Variants in LRMDA observed in about 807,000 individuals in gnomAD.
The protein encoded by LRMDA is leucine-rich melanocyte differentiation-associated protein.
In LRMDA, 18 loss-of-function variants were observed where a neutral mutation model predicts 29.8. That is an observed-to-expected ratio of 0.60 (90% confidence interval 0.42 to 0.90). LRMDA has a LOEUF of 0.90. LRMDA is among the 40% of genes least tolerant of loss of function. LRMDA has a pLI of 0.00. For missense variants in LRMDA, 273 were observed against 273.9 expected (o/e 1.00, Z 0.02); for synonymous variants, 125 against 109.4 (o/e 1.14, Z -0.89).
rs73276771 is a variant in LRMDA at position 76,554,823 on chromosome 10, G to A, written c.602-2386G>A. Among the ~76,000 whole-genome samples, 1,247 of 152,026 alleles carry A rather than the reference G, an allele frequency of 8.2e-3. 18 individuals carry two copies. Among genetic ancestry groups the A allele is most frequent in the African/African-American group, 0.028 (1,173 of 41,452 alleles). On this transcript the variant is annotated intron_variant, in intron 6 of 6. Transcript: ENST00000611255. ...GAAGAAAAAAAAAGCAGTTGAATCC[G>A]TGAATGTACTGGAGAGTTTACTGGA...
At chr10:75,597,078 T>C (rs892707078) in intron 2 of LRMDA, among the ~76,000 whole-genome samples, 6 of 151,996 alleles carry the variant, frequency 3.9e-5, no homozygotes, top group African/African-American at 1.2e-4. Context: ...TGTTCCTTAT[T>C]TGGCTAGAGA....
intron 2 of LRMDA, among the ~76,000 whole-genome samples, chr10:75,841,992 C>G (rs1844548645): frequency 6.6e-6 from 1 of 152,132 alleles, no homozygotes; most frequent in Admixed American, 6.5e-5. Flanking sequence ...GTTTAAAGTT[C>G]CTCAGTTATT....
At chr10:75,432,841 A>G (rs962162128) in intron 1 of LRMDA, among the ~76,000 whole-genome samples, 1 of 152,166 alleles carries the variant, frequency 6.6e-6, no homozygotes, top group Admixed American at 6.5e-5. Context: ...TCGTTTCATC[A>G]GGTACACATG....
chr10:76,141,544 A>G (rs186248386), intron 5 of LRMDA, among the ~76,000 whole-genome samples: 1 of 152,126 alleles, frequency 6.6e-6, no homozygotes, highest in South Asian at 2.1e-4. Context: ...AAGTACTCCC[A>G]CCTGATGTGT....
chr10:76,163,107 C>T (rs1238563864), intron 5 of LRMDA, among the ~76,000 whole-genome samples: 1 of 152,156 alleles, frequency 6.6e-6, no homozygotes, highest in Non-Finnish European at 1.5e-5. Flanking sequence ...ATTATTGGAA[C>T]ATAAATGGCA....
chr10:75,948,754 G>A (rs185650830), intron 2 of LRMDA, among the ~76,000 whole-genome samples: 63 of 152,180 alleles, frequency 4.1e-4, no homozygotes, highest in African/African-American at 1.5e-3. Flanking sequence ...GATTTTCCGA[G>A]ACAGTGCATT....
intron 2 of LRMDA, among the ~76,000 whole-genome samples, chr10:75,594,294 C>G (rs1840759744): frequency 6.6e-6 from 1 of 152,184 alleles, no homozygotes; most frequent in Non-Finnish European, 1.5e-5. Context: ...GTGCTTTCTC[C>G]TAGGCCACCA....
chr10:75,946,959 A>C (rs1229361001), intron 2 of LRMDA, among the ~76,000 whole-genome samples: 2 of 152,190 alleles, frequency 1.3e-5, no homozygotes, highest in Non-Finnish European at 2.9e-5. Flanking sequence ...GCTGAAAGGA[A>C]CAGGAAGCCA....
chr10:76,375,638 C>T (rs1841507156), intron 6 of LRMDA, among the ~76,000 whole-genome samples: 1 of 151,824 alleles, frequency 6.6e-6, no homozygotes, highest in Non-Finnish European at 1.5e-5. Flanking sequence ...AGTGGATGAA[C>T]ATTTTTGGAG....
chr10:76,211,214 T>C (rs946543655), intron 5 of LRMDA, among the ~76,000 whole-genome samples: 2 of 152,244 alleles, frequency 1.3e-5, no homozygotes, highest in African/African-American at 4.8e-5. Flanking sequence ...TCACTAAGCC[T>C]GGTACCCAGT....
chr10:76,254,852 T>C (rs1852563373), intron 5 of LRMDA, among the ~76,000 whole-genome samples: 1 of 152,146 alleles, frequency 6.6e-6, no homozygotes, highest in Admixed American at 6.5e-5. Flanking sequence ...ACCGGTTTTA[T>C]AGGAACAATG....
intron 5 of LRMDA, among the ~76,000 whole-genome samples, chr10:76,228,053 C>T (rs796768449): frequency 4.0e-5 from 6 of 150,334 alleles, no homozygotes; most frequent in African/African-American, 1.2e-4. Flanking sequence ...GACAGAGTCT[C>T]GCTCTGTTGC....
chr10:76,258,581 C>T (rs1193108174), intron 5 of LRMDA, among the ~76,000 whole-genome samples: 1 of 151,970 alleles, frequency 6.6e-6, no homozygotes, highest in Non-Finnish European at 1.5e-5. Flanking sequence ...TGTAATTTTT[C>T]ATCCTTTAAC....
chr10:76,344,842 T>A (rs922359163), intron 6 of LRMDA, among the ~76,000 whole-genome samples: 1 of 151,576 alleles, frequency 6.6e-6, no homozygotes, highest in African/African-American at 2.4e-5. Flanking sequence ...GGAAAAAAAT[T>A]TAGATACATA....
At chr10:75,693,690 A>G (rs1465832883) in intron 2 of LRMDA, among the ~76,000 whole-genome samples, 1 of 152,204 alleles carries the variant, frequency 6.6e-6, no homozygotes, top group Non-Finnish European at 1.5e-5. Context: ...TAATGACTTA[A>G]TGCGCCTTAT....
chr10:75,858,558 G>A (rs544006113), intron 2 of LRMDA, among the ~76,000 whole-genome samples: 23 of 152,176 alleles, frequency 1.5e-4, no homozygotes, highest in Non-Finnish European at 3.2e-4. Flanking sequence ...TTGAGAGTGG[G>A]AGAGGCTGGG....
At chr10:76,172,955 TA>T (rs1850865246) in intron 5 of LRMDA, among the ~76,000 whole-genome samples, 1 of 152,022 alleles carries the variant, frequency 6.6e-6, no homozygotes, top group Non-Finnish European at 1.5e-5. Flanking sequence ...AATAGAAACA[TA>T]CACAGATGAT....
intron 2 of LRMDA, among the ~76,000 whole-genome samples, chr10:75,942,201 A>G (rs539757467): frequency 6.6e-6 from 1 of 152,190 alleles, no homozygotes; most frequent in African/African-American, 2.4e-5. Context: ...AGTGTTTATC[A>G]TACAAATGTG....
chr10:75,448,352 C>T (rs774688140), intron 2 of LRMDA, among the ~76,000 whole-genome samples: 39 of 152,076 alleles, frequency 2.6e-4, no homozygotes, highest in Non-Finnish European at 4.4e-4. Flanking sequence ...GAATTTGGGC[C>T]GCACTGCCCC....
Sources: gnomAD v4.1 joint callset for allele counts (sites outside exome capture counted in the v4.1 genomes callset) on GRCh38, gnomAD v4.1.1 for gene constraint, MANE v1.5 for transcripts, NCBI Gene and HGNC (gene_info 2026-07-23, HGNC 2026-07-21) for gene names.